The following XIRP2 variants were observed in gnomAD, a reference collection of about 807,000 sequenced individuals.
XIRP2 encodes xin actin binding repeat containing 2, also known as xin actin-binding repeat-containing protein 2.
In XIRP2, 236 loss-of-function variants were observed where a neutral mutation model predicts 277.0. The ratio of observed to expected loss-of-function variants is 0.85; its 90% CI spans 0.77 to 0.95. The LOEUF (loss-of-function observed/expected upper bound fraction) is 0.95. Ranked by LOEUF, XIRP2 falls within the 40% of genes least tolerant of loss-of-function variation. The pLI, the probability that XIRP2 is intolerant of heterozygous loss-of-function variation, is 0.00. For missense variants in XIRP2, 4,640 were observed against 4,157.5 expected (o/e 1.12, Z -3.19); for synonymous variants, 1,490 against 1,416.5 (o/e 1.05, Z -1.17).
At chr2:167,071,098 C>T (rs897003499) in intron 2 of XIRP2, among the ~76,000 whole-genome samples, 3 of 152,086 alleles carry the variant, frequency 2.0e-5, no homozygotes, top group South Asian at 2.1e-4. Context: ...TCCCAAAGCC[C>T]GTACACATAA....
At position 167,250,105 on chromosome 2, in the gene XIRP2, C is replaced by T. The variant is rs775458910; in HGVS notation, c.8713C>T (p.Gln2905Ter). The change falls in exon 9 of 11, where the codon CAA becomes TAA. Residue 2905 changes from glutamine to a stop codon, truncating the protein, a stop_gained. Coordinates refer to ENST00000409195, the MANE Select transcript of XIRP2 (RefSeq NM_152381.6). LOFTEE classifies it high-confidence loss of function. ...AAAATGTCTCGAAGTCAAGGGCATACAAGAGAAACAAGTCTTCTCTAATAC... is the reference window on the plus strand; with the variant it reads ...AAAATGTCTCGAAGTCAAGGGCATATAAGAGAAACAAGTCTTCTCTAATAC... Reference protein sequence around the residue: ...EEKCLEVKGIQEKQVFSNTKD... With the variant: ...EEKCLEVKGI The T allele has an allele frequency of 7.4e-6, 12 of 1,613,276 alleles. No homozygotes were observed. The South Asian group carries it at 1.1e-4, about 15-fold the overall frequency.
In XIRP2 at chr2:167,225,676, A is replaced by G. The variant is rs76744386; in HGVS notation, c.858+7376A>G. 1.7e-3 allele frequency among the ~76,000 whole-genome samples: 259 copies of G among 152,278 alleles called. 12 individuals carry two copies. The East Asian group carries it at 0.047, about 28-fold the overall frequency. ...AGGGTCTCAGCTTGATCTCAAGAAAACAAAGAACAAAAACAGCACAAACAT... is the reference window on the plus strand; with the variant it reads ...AGGGTCTCAGCTTGATCTCAAGAAAGCAAAGAACAAAAACAGCACAAACAT... On this transcript the variant is annotated intron_variant, in intron 5 of 10. Coordinates refer to ENST00000409195, the MANE Select transcript of XIRP2 (RefSeq NM_152381.6).
At chr2:166,910,625 T>C (rs1043041590) in intron 2 of XIRP2, among the ~76,000 whole-genome samples, 2 of 152,220 alleles carry the variant, frequency 1.3e-5, no homozygotes, top group African/African-American at 4.8e-5. Context: ...AGTTCTGCTC[T>C]GATCCTAGTT....
In XIRP2 at chr2:167,251,943, A is replaced by C; in HGVS notation, c.10551A>C (p.Ile3517=). The C allele has an allele frequency of 6.5e-7, 1 of 1,547,274 alleles. No homozygotes were observed. Among genetic ancestry groups the C allele is most frequent in the Middle Eastern group, 1.8e-4 (1 of 5,702 alleles). Residue 3517 remains isoleucine (I), a synonymous_variant, in exon 9 of 11, where the codon ATA becomes ATC. Transcript: ENST00000409195. ...RTTFQEESAF[I]SEAAAPRQGN... ...CCTTCCAAGAGGAATCTGCATTTAT[A>C]AGTGGTAAATGAGCTTGCAATGTGT...
chr2:166,909,127 A>G (rs1684624973), intron 2 of XIRP2, among the ~76,000 whole-genome samples: 1 of 152,146 alleles, frequency 6.6e-6, no homozygotes, highest in Non-Finnish European at 1.5e-5. Flanking sequence ...TATGAAGTTT[A>G]AAGTAGTTTT....
chr2:167,184,241 G>A (rs1457495929), intron 3 of XIRP2, among the ~76,000 whole-genome samples: 2 of 152,184 alleles, frequency 1.3e-5, no homozygotes, highest in African/African-American at 4.8e-5. Context: ...CATTTCTAAA[G>A]ACAAGCAGTT....
At chr2:166,917,058 A>C (rs1040840564) in intron 2 of XIRP2, among the ~76,000 whole-genome samples, 1 of 152,162 alleles carries the variant, frequency 6.6e-6, no homozygotes, top group Non-Finnish European at 1.5e-5. Context: ...CTTCAGAGAA[A>C]ATATTTTATC....
At chr2:167,155,000 A>C (rs1256375241) in intron 3 of XIRP2, among the ~76,000 whole-genome samples, 6 of 151,890 alleles carry the variant, frequency 4.0e-5, no homozygotes, top group Admixed American at 6.5e-5. Flanking sequence ...ATCTAGAAGA[A>C]ATGGATAAAT....
rs185800059 is a variant in XIRP2, at chr2:166,958,873, T to C, written c.408+54983T>C. 2.3e-3 allele frequency among the ~76,000 whole-genome samples: 347 copies of C among 151,938 alleles called. 2 individuals are homozygous for C. The highest frequency in any genetic ancestry group is 7.9e-3 in the African/African-American group (328 of 41,496). ...ATAATCAGCCTTTCATTCAGCATTATGTATTCATGGAATTTCAATGGCAAA... is the reference window on the plus strand; with the variant it reads ...ATAATCAGCCTTTCATTCAGCATTACGTATTCATGGAATTTCAATGGCAAA... On this transcript the variant is annotated intron_variant, in intron 2 of 10. Coordinates refer to ENST00000409195, the MANE Select transcript of XIRP2 (RefSeq NM_152381.6).
At chr2:166,937,651 A>T (rs1334653555) in intron 2 of XIRP2, among the ~76,000 whole-genome samples, 1 of 152,092 alleles carries the variant, frequency 6.6e-6, no homozygotes, top group Non-Finnish European at 1.5e-5. Flanking sequence ...TATTGATTGG[A>T]ATAGTTTCAG....
At chr2:167,214,662 G>T (rs1039656274) in intron 4 of XIRP2, among the ~76,000 whole-genome samples, 1 of 151,936 alleles carries the variant, frequency 6.6e-6, no homozygotes, top group African/African-American at 2.4e-5. Context: ...TGCCTCCTCA[G>T]TTCAGGCAAA....
At chr2:167,174,235 G>C (rs112491758) in intron 3 of XIRP2, among the ~76,000 whole-genome samples, 15,030 of 152,162 alleles carry the variant, frequency 0.099, 795 homozygotes, top group South Asian at 0.16. Context: ...CTGTGAATCT[G>C]TCTGGTCCTG....
intron 2 of XIRP2, among the ~76,000 whole-genome samples, chr2:166,922,115 G>A (rs1466157173): frequency 6.6e-6 from 1 of 152,240 alleles, no homozygotes; most frequent in Non-Finnish European, 1.5e-5. Flanking sequence ...GCCTTCCAAA[G>A]GACAAACTGT....
intron 2 of XIRP2, among the ~76,000 whole-genome samples, chr2:167,061,326 T>C (rs1056317590): frequency 3.3e-5 from 5 of 152,204 alleles, no homozygotes; most frequent in African/African-American, 1.2e-4. Flanking sequence ...TTTTTCAACC[T>C]GTATTTCTTT....
intron 2 of XIRP2, among the ~76,000 whole-genome samples, chr2:167,098,533 C>A (rs1442556517): frequency 6.6e-6 from 1 of 152,202 alleles, no homozygotes; most frequent in African/African-American, 2.4e-5. Flanking sequence ...CCTTCTGAAG[C>A]CTACTTCTGT....
At chr2:167,223,237 G>A (rs968556098) in intron 5 of XIRP2, among the ~76,000 whole-genome samples, 2 of 151,920 alleles carry the variant, frequency 1.3e-5, no homozygotes, top group African/African-American at 4.8e-5. Flanking sequence ...AGCATAAGTA[G>A]GAAAGAGCAG....
Position 167,251,502 on chromosome 2 carries a change from A to G in XIRP2, c.10110A>G (p.Thr3370=), listed in dbSNP as rs2291111. The G allele has an allele frequency of 3.3e-3, 5,350 of 1,613,546 alleles. 216 individuals carry two copies. The East Asian group carries it at 0.09, about 27-fold the overall frequency. The change falls in exon 9 of 11, where the codon ACA becomes ACG. Residue 3370 remains threonine (T), a synonymous_variant. Transcript: ENST00000409195. The stretch of plus-strand genomic sequence containing the variant: ...ATAACATACAACAAGAAAGTCGTAC[A>G]TTTTGTAAGGAGGAATTTGGATTAA... ...TNHNIQQESR[T]FCKEEFGLTS...
intron 3 of XIRP2, among the ~76,000 whole-genome samples, chr2:167,168,599 A>C (rs1217641488): frequency 6.6e-6 from 1 of 151,504 alleles, no homozygotes; most frequent in Non-Finnish European, 1.5e-5. Flanking sequence ...GTTTTTTCTT[A>C]TTTTTTGTTT....
chr2:166,938,994 T>C (rs537738728), intron 2 of XIRP2, among the ~76,000 whole-genome samples: 6 of 152,328 alleles, frequency 3.9e-5, no homozygotes, highest in African/African-American at 1.2e-4. Flanking sequence ...TCTCTGCACA[T>C]GAGGTGGGTC....
Sources: gnomAD v4.1 joint callset for allele counts (sites outside exome capture counted in the v4.1 genomes callset) on GRCh38, gnomAD v4.1.1 for gene constraint, MANE v1.5 for transcripts, NCBI Gene and HGNC (gene_info 2026-07-23, HGNC 2026-07-21) for gene names.